The following TMEM178B variants were observed in gnomAD, a reference collection of about 807,000 sequenced individuals.
The protein encoded by TMEM178B is transmembrane protein 178B.
Under a neutral mutation model 31.0 loss-of-function variants are expected in TMEM178B, and 5 were observed. That is an observed-to-expected ratio of 0.16 (90% CI 0.08 to 0.34). The LOEUF is 0.34. Ranked by LOEUF, TMEM178B falls within the 10% of genes least tolerant of loss-of-function variation. TMEM178B has a pLI of 1.00. For synonymous variants in TMEM178B, 164 were observed against 164.0 expected (o/e 1.00, Z 0.00); for missense variants, 275 against 400.3 (o/e 0.69, Z 2.67).
chr7:141,205,046 G>C (rs907676107), intron 1 of TMEM178B, among the ~76,000 whole-genome samples: 8 of 152,008 alleles, frequency 5.3e-5, no homozygotes, highest in African/African-American at 1.7e-4. Flanking sequence ...GGTTCGTCTT[G>C]AACTCCTGGC....
At chr7:141,294,916 G>A (rs1224368902) in intron 2 of TMEM178B, among the ~76,000 whole-genome samples, 1 of 152,208 alleles carries the variant, frequency 6.6e-6, no homozygotes, top group Non-Finnish European at 1.5e-5. Context: ...CACCTGTGAA[G>A]AGACATCAGG....
At chr7:141,111,956 C>T (rs1285306485) in intron 1 of TMEM178B, among the ~76,000 whole-genome samples, 1 of 152,172 alleles carries the variant, frequency 6.6e-6, no homozygotes, top group Non-Finnish European at 1.5e-5. Context: ...AGTTAACAAT[C>T]TTGGCATTTC....
At chr7:141,242,606 A>G (rs1162200256) in intron 2 of TMEM178B, among the ~76,000 whole-genome samples, 2 of 140,838 alleles carry the variant, frequency 1.4e-5, no homozygotes, top group East Asian at 4.2e-4. Context: ...CAGTGGCATG[A>G]TCCTGGCTCA....
At chr7:141,084,497 T>G (rs1289847918) in intron 1 of TMEM178B, among the ~76,000 whole-genome samples, 5 of 152,172 alleles carry the variant, frequency 3.3e-5, no homozygotes. Flanking sequence ...ACAAGCCCCC[T>G]GGTTGGTTCT....
chr7:141,433,938 A>G (rs775275991), intron 2 of TMEM178B, among the ~76,000 whole-genome samples: 36 of 152,218 alleles, frequency 2.4e-4, no homozygotes, highest in Admixed American at 3.9e-4. Context: ...TTCTAGATCA[A>G]CAGCTTAGCA....
In TMEM178B at chr7:141,198,415, C is replaced by T. The variant is rs569892625; in HGVS notation, c.383-14176C>T. Among the ~76,000 whole-genome samples, 3 of 152,356 alleles carry T rather than the reference C, an allele frequency of 2.0e-5. No individual in the cohort carries two copies. The East Asian group carries it at 5.8e-4, about 29-fold the overall frequency. On this transcript the variant is annotated intron_variant, in intron 1 of 3. Coordinates refer to ENST00000565468, the MANE Select transcript of TMEM178B (RefSeq NM_001195278.2). Reference sequence around the variant, plus strand: ...GTCCTGGCATCTGCAATTCTGGTGACTCATGAACAATCATTTTACTTTTCT... The same window carrying T: ...GTCCTGGCATCTGCAATTCTGGTGATTCATGAACAATCATTTTACTTTTCT...
intron 2 of TMEM178B, among the ~76,000 whole-genome samples, chr7:141,329,621 C>G (rs572034341): frequency 6.6e-6 from 1 of 152,326 alleles, no homozygotes; most frequent in South Asian, 2.1e-4. Flanking sequence ...TACTGAATGG[C>G]TAGCACATTG....
At chr7:141,345,588 G>A (rs1185027165) in intron 2 of TMEM178B, among the ~76,000 whole-genome samples, 1 of 152,186 alleles carries the variant, frequency 6.6e-6, no homozygotes, top group African/African-American at 2.4e-5. Flanking sequence ...CAAGTATTAG[G>A]TGATTTTGTC....
chr7:141,505,436 AGTCCTC>A, the TMEM178B span, among the ~76,000 whole-genome samples: 2 of 152,230 alleles, frequency 1.3e-5, no homozygotes, highest in African/African-American at 4.8e-5. Flanking sequence ...TGCCATTATG[AGTCCTC>A]GCTACACTGA....
chr7:141,125,398 C>T (rs543856745), intron 1 of TMEM178B, among the ~76,000 whole-genome samples: 6 of 151,938 alleles, frequency 3.9e-5, no homozygotes, highest in East Asian at 1.9e-4. Flanking sequence ...AAGTGAAGCC[C>T]GGCGCCGGAT....
chr7:141,344,612 CT>C lies in TMEM178B; in HGVS notation c.497-92994del, dbSNP rs1296383054. Among the ~76,000 whole-genome samples the C allele has an allele frequency of 2.0e-5, 3 of 150,246 alleles. No homozygotes were observed. The highest frequency in any genetic ancestry group is 7.4e-5 in the African/African-American group (3 of 40,406). ...CCTTCCTTCCTTCCTTCCTTCCTTC[CT>C]TCCTTCCTTCCTTCCTCCCTTCCTT... On this transcript the variant is annotated intron_variant, in intron 2 of 3. Transcript: ENST00000565468. This position sits in a 1 kb window ranked among gnomAD's most constrained non-coding sequence, Gnocchi z 4.1.
intron 1 of TMEM178B, among the ~76,000 whole-genome samples, chr7:141,149,763 CT>C (rs1289100750): frequency 6.6e-6 from 1 of 152,218 alleles, no homozygotes; most frequent in Non-Finnish European, 1.5e-5. Context: ...CCACCAGAAG[CT>C]GGGAAGAGAC....
intron 1 of TMEM178B, among the ~76,000 whole-genome samples, chr7:141,117,816 T>G (rs944261719): frequency 1.3e-5 from 2 of 152,114 alleles, no homozygotes; most frequent in African/African-American, 4.8e-5. Context: ...GATCAGATGG[T>G]TGTAGATGTG....
chr7:141,229,672 C>T (rs913770992), intron 2 of TMEM178B, among the ~76,000 whole-genome samples: 13 of 152,094 alleles, frequency 8.5e-5, no homozygotes, highest in African/African-American at 3.1e-4. Flanking sequence ...CCTGTAATCC[C>T]AGCACTTTGG....
chr7:141,447,533 G>T (rs977640056), intron 3 of TMEM178B, among the ~76,000 whole-genome samples: 1 of 152,044 alleles, frequency 6.6e-6, no homozygotes, highest in Non-Finnish European at 1.5e-5. Flanking sequence ...GGACTGAGGG[G>T]CGTCCATCCG....
At position 141,248,367 on chromosome 7, in the gene TMEM178B, C is replaced by T. The variant is rs532072421; in HGVS notation, c.496+35663C>T. Among the ~76,000 whole-genome samples the T allele has an allele frequency of 1.9e-4, 29 of 152,214 alleles. No homozygotes were observed. In the East Asian group the frequency reaches 3.1e-3, roughly 16 times the overall value. The stretch of plus-strand genomic sequence containing the variant: ...CGGAGGTTGTAGTGAGCCGAGATTG[C>T]GCCACTGCACTCCAGCCTAGCAAAT... On this transcript the variant is annotated intron_variant, in intron 2 of 3. Coordinates refer to ENST00000565468, the MANE Select transcript of TMEM178B (RefSeq NM_001195278.2).
chr7:141,201,220 G>A (rs933484242), intron 1 of TMEM178B, among the ~76,000 whole-genome samples: 3 of 152,240 alleles, frequency 2.0e-5, no homozygotes, highest in Admixed American at 6.5e-5. Context: ...AGGAGGCCAG[G>A]CCACATGGCC....
chr7:141,168,085 T>A (rs1000886745), intron 1 of TMEM178B, among the ~76,000 whole-genome samples: 1 of 152,184 alleles, frequency 6.6e-6, no homozygotes, highest in East Asian at 1.9e-4. Flanking sequence ...TTTCATGACA[T>A]CCCTGCGAGA....
In TMEM178B at chr7:141,306,041, C is replaced by T. The variant is rs143252629; in HGVS notation, c.496+93337C>T. 3.0e-4 allele frequency among the ~76,000 whole-genome samples: 46 copies of T among 152,236 alleles called. 1 individual carries two copies. The East Asian group carries it at 7.5e-3, about 25-fold the overall frequency. ...CTGTCTCCTCTAGATCTGTATACCA[C>T]GTAGCATCCGGCATGTGCTTTATAC... On this transcript the variant is annotated intron_variant, in intron 2 of 3. Coordinates refer to ENST00000565468, the MANE Select transcript of TMEM178B (RefSeq NM_001195278.2).
Sources: gnomAD v4.1 joint callset for allele counts (sites outside exome capture counted in the v4.1 genomes callset) on GRCh38, gnomAD v4.1.1 for gene constraint, Gnocchi (gnomAD v3.1) non-coding constraint, MANE v1.5 for transcripts, NCBI Gene and HGNC (gene_info 2026-07-23, HGNC 2026-07-21) for gene names.